The following FAM178B variants were observed in gnomAD, a reference collection of about 807,000 sequenced individuals.
FAM178B encodes protein FAM178B.
FAM178B carries 82 observed loss-of-function variants against 91.7 expected under a neutral mutation model. The ratio of observed to expected loss-of-function variants is 0.89; its 90% CI spans 0.75 to 1.07. The LOEUF (loss-of-function observed/expected upper bound fraction) is 1.07, where lower values mean the gene tolerates loss of function less well. FAM178B is among the 50% of genes least tolerant of loss of function. The pLI is 0.00. For synonymous variants in FAM178B, 368 were observed against 359.4 expected (o/e 1.02, Z -0.27); for missense variants, 769 against 846.7 (o/e 0.91, Z 1.14).
At chr2:96,895,812 T>G (rs2080811247) in intron 13 of FAM178B, among the ~76,000 whole-genome samples, 2 of 152,186 alleles carry the variant, frequency 1.3e-5, no homozygotes, top group South Asian at 2.1e-4. Context: ...ACACCTGGCT[T>G]CCTCCGGTGA....
chr2:96,892,207 G>A (rs879741259), intron 14 of FAM178B, among the ~76,000 whole-genome samples: 1 of 152,180 alleles, frequency 6.6e-6, no homozygotes, highest in Non-Finnish European at 1.5e-5. Context: ...GCCCAGCCCA[G>A]GGGACAGAAC....
intron 15 of FAM178B, 84 bp downstream of exon 15, chr2:96,878,332 C>T (rs76679299): frequency 3.5e-5 from 46 of 1,302,782 alleles, no homozygotes; most frequent in Admixed American, 3.2e-4. Context: ...GTGGGCTGGG[C>T]GCCATCCCAG....
intron 9 of FAM178B, among the ~76,000 whole-genome samples, chr2:96,924,789 T>C (rs545722073): frequency 8.5e-5 from 13 of 152,322 alleles, no homozygotes; most frequent in East Asian, 1.9e-4. Context: ...AGTGAAGATA[T>C]TGATGACAAC....
intron 13 of FAM178B, chr2:96,895,111 C>A (rs2080795551): frequency 1.6e-6 from 2 of 1,289,370 alleles, no homozygotes; most frequent in African/African-American, 3.0e-5. Flanking sequence ...TGTCTTCAGC[C>A]CCTGCCTTCC....
chr2:96,933,013 G>A (rs1242200233), intron 8 of FAM178B, among the ~76,000 whole-genome samples: 2 of 150,134 alleles, frequency 1.3e-5, no homozygotes, highest in Admixed American at 6.6e-5. Flanking sequence ...GGGAGGCTCA[G>A]GCGGGCAGAT....
chr2:96,900,576 C>T (rs2080908960), intron 13 of FAM178B, among the ~76,000 whole-genome samples: 1 of 152,112 alleles, frequency 6.6e-6, no homozygotes, highest in South Asian at 2.1e-4. Flanking sequence ...AGGGGGTGGC[C>T]ACCAGGAGTG....
chr2:96,881,460 G>A (rs1265837520), intron 14 of FAM178B, among the ~76,000 whole-genome samples: 3 of 151,892 alleles, frequency 2.0e-5, no homozygotes, highest in African/African-American at 7.3e-5. Flanking sequence ...GGCGAAAGGG[G>A]GCCTGTCCCT....
chr2:96,894,336 C>T (rs1210267438), intron 13 of FAM178B, among the ~76,000 whole-genome samples: 1 of 147,688 alleles, frequency 6.8e-6, no homozygotes, highest in Admixed American at 6.7e-5. Context: ...ACTCTTCCCC[C>T]CACAGACCTG....
intron 12 of FAM178B, among the ~76,000 whole-genome samples, chr2:96,916,714 G>A (rs1472983278): frequency 1.3e-5 from 2 of 152,186 alleles, no homozygotes; most frequent in African/African-American, 4.8e-5. Flanking sequence ...TCATGGTTAG[G>A]CCCAGCTCTT....
At chr2:96,899,849 CTCTTTTTTTTTT>C (rs2080892730) in intron 13 of FAM178B, among the ~76,000 whole-genome samples, 1 of 136,274 alleles carries the variant, frequency 7.3e-6, no homozygotes, top group African/African-American at 3.0e-5. Context: ...CCATTCCCCA[CTCTTTTTTTTTT>C]TTTTTTTTTT....
At chr2:96,942,115 CA>C (rs2081742308) in intron 8 of FAM178B, among the ~76,000 whole-genome samples, 1 of 152,076 alleles carries the variant, frequency 6.6e-6, no homozygotes, top group Non-Finnish European at 1.5e-5. Context: ...ATAACAGCAC[CA>C]AAAGAATAAA....
At chr2:96,895,013 G>T in intron 13 of FAM178B, 1 of 1,277,708 alleles carries the variant, frequency 7.8e-7, no homozygotes, top group Non-Finnish European at 1.0e-6. Flanking sequence ...TGGAGGTTTG[G>T]AACACCATGA....
intron 5 of FAM178B, among the ~76,000 whole-genome samples, chr2:96,963,201 A>T (rs1202790138): frequency 6.6e-6 from 1 of 152,242 alleles, no homozygotes; most frequent in Non-Finnish European, 1.5e-5. Context: ...GGAGGTACTC[A>T]GTAGAAAGAT....
chr2:96,927,527 T>C (rs1321766531), intron 9 of FAM178B, among the ~76,000 whole-genome samples: 4 of 152,212 alleles, frequency 2.6e-5, no homozygotes, highest in African/African-American at 9.6e-5. Context: ...AACACAGCCC[T>C]GCTTTCCTCC....
intron 16 of FAM178B, among the ~76,000 whole-genome samples, chr2:96,876,527 C>G (rs2080246514): frequency 6.6e-6 from 1 of 152,230 alleles, no homozygotes; most frequent in Non-Finnish European, 1.5e-5. Context: ...CTACCAGGCC[C>G]TGAATCACTT....
chr2:96,952,966 C>T (rs1348172530), intron 6 of FAM178B, among the ~76,000 whole-genome samples: 2 of 152,078 alleles, frequency 1.3e-5, no homozygotes, highest in Non-Finnish European at 2.9e-5. Context: ...TTAAAAAGGA[C>T]ATCATTTTTT....
intron 1 of FAM178B, among the ~76,000 whole-genome samples, chr2:96,978,860 C>G: frequency 6.6e-6 from 1 of 151,808 alleles, no homozygotes; most frequent in South Asian, 2.1e-4. Context: ...CTCCTGACCT[C>G]GTGATCCGCC....
chr2:96,955,165 A>AGTTTCAGTT (rs2081981093), intron 6 of FAM178B, among the ~76,000 whole-genome samples: 1 of 152,232 alleles, frequency 6.6e-6, no homozygotes, highest in African/African-American at 2.4e-5. Context: ...TAGAAGTTCA[A>AGTTTCAGTT]GACCAGCCTG....
intron 12 of FAM178B, among the ~76,000 whole-genome samples, chr2:96,905,053 TA>T (rs566586052): frequency 4.3e-4 from 41 of 95,040 alleles, no homozygotes; most frequent in African/African-American, 1.1e-3. Context: ...CCCCAACTCT[TA>T]AAAAAAAAAT....
Sources: allele counts gnomAD v4.1 joint callset (sites outside exome capture counted in the v4.1 genomes callset), GRCh38; gene constraint gnomAD v4.1.1; transcripts MANE v1.5; gene names NCBI Gene and HGNC (gene_info 2026-07-23, HGNC 2026-07-21).